CNTLN: variants seen among roughly 807,000 people sequenced by gnomAD.
The protein encoded by CNTLN is centlein, centrosomal protein.
Under a neutral mutation model 180.0 loss-of-function variants are expected in CNTLN, and 212 were observed. That is an observed-to-expected ratio of 1.18 (90% confidence interval 1.05 to 1.32). The LOEUF is 1.32. Ranked by LOEUF, CNTLN falls within the 40% of genes most tolerant of loss-of-function variation. CNTLN has a pLI of 0.00. For synonymous variants in CNTLN, 722 were observed against 563.1 expected, an observed-to-expected ratio of 1.28 and a Z score of -3.99; for missense variants, 2,095 against 1,610.9, an observed-to-expected ratio of 1.30 and a Z score of -5.14.
At chr9:17,141,258 A>C (rs2131420175) in intron 1 of CNTLN, among the ~76,000 whole-genome samples, 1 of 152,318 alleles carries the variant, frequency 6.6e-6, no homozygotes, top group South Asian at 2.1e-4. Flanking sequence ...ATCACTAAAC[A>C]TACAGGATTA....
In CNTLN at chr9:17,394,699, G is replaced by A. The variant is rs1363227220; in HGVS notation, c.2245G>A (p.Gly749Arg). Reference sequence around the variant, plus strand: ...AAAAGAGCTAGAACAGATAATAAAGGGGAGTAAAGATGTAGAAAAAGAAAA... The same window carrying A: ...AAAAGAGCTAGAACAGATAATAAAGAGGAGTAAAGATGTAGAAAAAGAAAA... ...REKELEQIIK[G>R]SKDVEKENTE... The change falls in exon 15 of 26, where the codon GGG becomes AGG. Residue 749 changes from glycine to arginine, a missense_variant. Coordinates refer to ENST00000380647, the MANE Select transcript of CNTLN (RefSeq NM_017738.4). 1 of 1,613,866 alleles carries A rather than the reference G, an allele frequency of 6.2e-7. No homozygotes were observed. The highest frequency in any genetic ancestry group is 8.5e-7 in the Non-Finnish European group (1 of 1,179,924).
At chr9:17,496,479 C>T (rs990873738) in intron 25 of CNTLN, among the ~76,000 whole-genome samples, 3 of 152,288 alleles carry the variant, frequency 2.0e-5, no homozygotes, top group Non-Finnish European at 4.4e-5. Flanking sequence ...ATTCAGGATG[C>T]TTCCATCCTC....
rs1052176661 is a variant in CNTLN, at chr9:17,211,761, G to C, written c.450-14442G>C. On this transcript the variant is annotated intron_variant, in intron 2 of 25. Transcript: ENST00000380647. ...AGTGGTTTGTAGTTCTCCTTGAAGA[G>C]GTCCTTCACATCCCTTGTAAGTTGG... Among the ~76,000 whole-genome samples, 7 of 152,172 alleles carry C rather than the reference G, an allele frequency of 4.6e-5. No homozygotes were observed. In the East Asian group the frequency reaches 1.4e-3, roughly 29 times the overall value.
intron 18 of CNTLN, among the ~76,000 whole-genome samples, chr9:17,428,850 C>T (rs542062021): frequency 7.9e-5 from 12 of 152,026 alleles, no homozygotes; most frequent in Non-Finnish European, 1.8e-4. Context: ...GTTCTAAAAT[C>T]AGAATAGCAT....
intron 2 of CNTLN, among the ~76,000 whole-genome samples, chr9:17,208,814 T>C (rs184039044): frequency 6.6e-6 from 1 of 152,272 alleles, no homozygotes; most frequent in Non-Finnish European, 1.5e-5. Flanking sequence ...AATGTCTCCT[T>C]TTTCATCTTT....
At position 17,502,692 on chromosome 9, in the gene CNTLN, T is replaced by C; in HGVS notation, c.*40T>C. ...GCTTTATTGCAAATGTGAAAACTTT[T>C]TATGTGGTGTGATTGGAATACATGC... is the stretch of plus-strand genomic sequence containing the variant. On this transcript the variant is annotated 3_prime_UTR_variant, in exon 26 of 26. Coordinates refer to ENST00000380647, the MANE Select transcript of CNTLN (RefSeq NM_017738.4). 1 of 771,732 alleles carries C rather than the reference T, an allele frequency of 1.3e-6. No individual in the cohort carries two copies. The highest frequency in any genetic ancestry group is 2.0e-5 in the South Asian group (1 of 50,032). 47.8% of individuals were successfully genotyped at this position (771,732 alleles called of 1,614,324 possible).
the CNTLN span, among the ~76,000 whole-genome samples, chr9:17,518,850 ACAGAG>A: frequency 6.6e-6 from 1 of 152,286 alleles, no homozygotes; most frequent in Non-Finnish European, 1.5e-5. Context: ...AGAGTGATGA[ACAGAG>A]CTTCCCTGAT....
At chr9:17,313,273 A>G (rs925434055) in intron 8 of CNTLN, among the ~76,000 whole-genome samples, 2 of 152,008 alleles carry the variant, frequency 1.3e-5, no homozygotes, top group Non-Finnish European at 2.9e-5. Context: ...CTTCCTTTTC[A>G]TTGCAGTGTT....
intron 7 of CNTLN, chr9:17,301,743 A>G (rs1276354364): frequency 2.9e-5 from 28 of 956,788 alleles, no homozygotes; most frequent in South Asian, 9.7e-5. Context: ...AATTTTGTCT[A>G]CAGTTAGTAG....
chr9:17,389,401 A>G (rs1295194469), intron 14 of CNTLN, among the ~76,000 whole-genome samples: 1 of 152,130 alleles, frequency 6.6e-6, no homozygotes, highest in Non-Finnish European at 1.5e-5. Flanking sequence ...TTTTGTATCT[A>G]TGGATATGTA....
chr9:17,368,024 T>C (rs997844371), intron 13 of CNTLN, among the ~76,000 whole-genome samples: 2 of 152,090 alleles, frequency 1.3e-5, no homozygotes, highest in Non-Finnish European at 2.9e-5. Flanking sequence ...CACAATGAAG[T>C]AGAACACCAA....
intron 2 of CNTLN, among the ~76,000 whole-genome samples, chr9:17,149,851 T>C (rs901162490): frequency 1.3e-5 from 2 of 152,212 alleles, no homozygotes; most frequent in Non-Finnish European, 2.9e-5. Context: ...CAATTCTAAC[T>C]GGCGTGAGAT....
intron 7 of CNTLN, among the ~76,000 whole-genome samples, chr9:17,302,202 C>CT (rs57095710): frequency 0.19 from 26,520 of 143,272 alleles, 2,845 homozygotes; most frequent in African/African-American, 0.29. Context: ...ATGCAATTCA[C>CT]TTTTTTTTTT....
chr9:17,179,217 C>G (rs1344921796), intron 2 of CNTLN, among the ~76,000 whole-genome samples: 1 of 136,862 alleles, frequency 7.3e-6, no homozygotes, highest in Non-Finnish European at 1.5e-5. Flanking sequence ...GCACTCCAGC[C>G]TGGGCGACAG....
chr9:17,273,780 A>G lies in CNTLN; in HGVS notation c.897A>G (p.Ser299=), dbSNP rs760443721. The change falls in exon 6 of 26, where the codon TCA becomes TCG. Residue 299 remains serine (S), a synonymous_variant. Coordinates refer to ENST00000380647, the MANE Select transcript of CNTLN (RefSeq NM_017738.4). ...AAGCAAGGAAAGAAGTTGAAGTATCACAGAGTAAATACAATGCTCTATCAT... is the reference window on the plus strand; with the variant it reads ...AAGCAAGGAAAGAAGTTGAAGTATCGCAGAGTAAATACAATGCTCTATCAT... ...LIEARKEVEV[S]QSKYNALSLQ... 8 of 1,562,124 alleles carry G rather than the reference A, an allele frequency of 5.1e-6. No individual in the cohort carries two copies. In the African/African-American group the frequency reaches 9.7e-5, roughly 19 times the overall value.
At chr9:17,365,009 C>A (rs1564031989) in intron 12 of CNTLN, among the ~76,000 whole-genome samples, 1 of 152,174 alleles carries the variant, frequency 6.6e-6, no homozygotes, top group East Asian at 1.9e-4. Context: ...AGATTGTTTT[C>A]TCCCAGTTTC....
At chr9:17,302,639 G>A (rs1409834369) in intron 7 of CNTLN, among the ~76,000 whole-genome samples, 3 of 152,272 alleles carry the variant, frequency 2.0e-5, no homozygotes. Flanking sequence ...TTGAGACATT[G>A]CATGCTATGA....
chr9:17,248,043 G>A (rs1004126107), intron 5 of CNTLN, among the ~76,000 whole-genome samples: 9 of 151,834 alleles, frequency 5.9e-5, no homozygotes, highest in Middle Eastern at 3.2e-3. Flanking sequence ...GGCTGGTCTC[G>A]AACTCCTTAG....
intron 17 of CNTLN, 23 bp from the exon 18 acceptor site, chr9:17,415,943 T>C (rs745651521): frequency 3.8e-6 from 6 of 1,587,970 alleles, no homozygotes; most frequent in East Asian, 2.2e-5. Flanking sequence ...TTTTAAAATA[T>C]GAACAATATT....
Sources: allele counts gnomAD v4.1 joint callset (sites outside exome capture counted in the v4.1 genomes callset), GRCh38; gene constraint gnomAD v4.1.1; transcripts MANE v1.5; gene names NCBI Gene and HGNC (gene_info 2026-07-23, HGNC 2026-07-21).